Variants in SEPTIN9 observed in about 807,000 individuals in gnomAD.
The protein encoded by SEPTIN9 is septin-9.
Under a neutral mutation model 56.6 loss-of-function variants are expected in SEPTIN9, and 13 were observed. That is an observed-to-expected ratio of 0.23 (90% confidence interval 0.15 to 0.37). The LOEUF is 0.37. Among genes scored for constraint, SEPTIN9 ranks in the 10% least tolerant of loss-of-function variants. The pLI is 1.00. For missense variants in SEPTIN9, 650 were observed against 823.1 expected (o/e 0.79, Z 2.57); for synonymous variants, 332 against 334.1 (o/e 0.99, Z 0.07).
intron 4 of SEPTIN9, among the ~76,000 whole-genome samples, chr17:77,486,294 G>A (rs1158222757): frequency 1.3e-5 from 2 of 151,692 alleles, no homozygotes; most frequent in African/African-American, 4.9e-5. Flanking sequence ...TGTAGAGACA[G>A]GGTCTCTCTG....
chr17:77,428,114 G>C (rs908782408), intron 3 of SEPTIN9, among the ~76,000 whole-genome samples: 8 of 152,190 alleles, frequency 5.3e-5, no homozygotes, highest in African/African-American at 1.9e-4. Flanking sequence ...AGGCTGAGTC[G>C]CTGGCCCATA....
chr17:77,383,869 T>G (rs1338080573), intron 2 of SEPTIN9, among the ~76,000 whole-genome samples: 1 of 152,252 alleles, frequency 6.6e-6, no homozygotes, highest in Non-Finnish European at 1.5e-5. Context: ...GTCATCAGCC[T>G]CTCAGTGCCT....
In SEPTIN9 at chr17:77,389,099, G is replaced by A. The variant is rs925956019; in HGVS notation, c.77-12960G>A. Among the ~76,000 whole-genome samples, 7 of 152,096 alleles carry A rather than the reference G, an allele frequency of 4.6e-5. No homozygotes were observed. The South Asian group carries it at 8.3e-4, about 18-fold the overall frequency. ...TCTCCAGGTCCGGGTCCTGGTCCCC[G>A]GCAGAGCTTCCCATCCATGGGAAGA... On this transcript the variant is annotated intron_variant, in intron 2 of 11. Transcript: ENST00000427177. The surrounding 1 kb of genome is among the most constrained non-coding windows in gnomAD (Gnocchi z 4.3).
intron 1 of SEPTIN9, chr17:77,288,118 TC>T: frequency 9.4e-7 from 1 of 1,063,648 alleles, no homozygotes; most frequent in Non-Finnish European, 1.1e-6. Context: ...TCTCGCTGAC[TC>T]CTACCCCACC....
intron 3 of SEPTIN9, among the ~76,000 whole-genome samples, chr17:77,416,100 G>A (rs2036497377): frequency 1.3e-5 from 2 of 152,262 alleles, no homozygotes; most frequent in African/African-American, 4.8e-5. Flanking sequence ...CCCTGTCAGA[G>A]TTTGTTCAGC....
intron 2 of SEPTIN9, among the ~76,000 whole-genome samples, chr17:77,356,594 G>A (rs1174537461): frequency 6.8e-6 from 1 of 147,852 alleles, no homozygotes; most frequent in Non-Finnish European, 1.5e-5. Flanking sequence ...CCCCCATGAA[G>A]GGGGCTGCTC....
At chr17:77,410,765 A>T (rs1403975941) in intron 3 of SEPTIN9, among the ~76,000 whole-genome samples, 1 of 152,228 alleles carries the variant, frequency 6.6e-6, no homozygotes, top group Non-Finnish European at 1.5e-5. Flanking sequence ...ATCAGCAAGC[A>T]GGCCTTGTCT....
chr17:77,358,110 G>C (rs894728277), intron 2 of SEPTIN9, among the ~76,000 whole-genome samples: 1 of 152,202 alleles, frequency 6.6e-6, no homozygotes, highest in Non-Finnish European at 1.5e-5. Context: ...GAAGCTCAGA[G>C]AGGTGGTGTA....
In SEPTIN9 at chr17:77,318,679, AC is replaced by A. The variant is rs2070544209; in HGVS notation, c.76+11488del. On this transcript the variant is annotated intron_variant, in intron 2 of 11. Transcript: ENST00000427177. This position sits in a 1 kb window ranked among gnomAD's most constrained non-coding sequence, Gnocchi z 4.9. ...CAGAAGGCTGGGAATGGTCCTCCCC[AC>A]CCCCCAGGAAGATGTCCTTTCTGCC... Among the ~76,000 whole-genome samples the A allele has an allele frequency of 1.3e-5, 2 of 151,268 alleles. No homozygotes were observed. The highest frequency in any genetic ancestry group is 1.3e-4 in the Admixed American group (2 of 15,178).
intron 3 of SEPTIN9, among the ~76,000 whole-genome samples, chr17:77,424,171 C>G (rs2036813421): frequency 1.3e-5 from 2 of 151,350 alleles, no homozygotes; most frequent in Non-Finnish European, 2.9e-5. Context: ...TGGGATGTAT[C>G]TGCACTATCG....
At chr17:77,458,358 C>T (rs2038308401) in intron 3 of SEPTIN9, among the ~76,000 whole-genome samples, 1 of 152,190 alleles carries the variant, frequency 6.6e-6, no homozygotes, top group African/African-American at 2.4e-5. Flanking sequence ...TGCCTTGTTC[C>T]AGCCCCGGCA....
chr17:77,282,884 T>C (rs879879489), intron 1 of SEPTIN9, among the ~76,000 whole-genome samples: 2 of 152,216 alleles, frequency 1.3e-5, no homozygotes, highest in Non-Finnish European at 2.9e-5. Flanking sequence ...CATGGCCCTT[T>C]CCAGGGGATC....
chr17:77,373,694 C>G (rs2034806383), intron 2 of SEPTIN9: 19 of 1,363,084 alleles, frequency 1.4e-5, no homozygotes, highest in Non-Finnish European at 1.7e-5. Flanking sequence ...CGCCCTCCCG[C>G]TGAGAGCGCC....
chr17:77,368,149 G>A (rs899229254), intron 2 of SEPTIN9, among the ~76,000 whole-genome samples: 2 of 152,204 alleles, frequency 1.3e-5, no homozygotes, highest in Non-Finnish European at 1.5e-5. Context: ...AGCAGCTAGG[G>A]GAAGGAAGGA....
At position 77,317,300 on chromosome 17, in the gene SEPTIN9, G is replaced by T. The variant is rs567454770; in HGVS notation, c.76+10103G>T. Among the ~76,000 whole-genome samples, 1 of 152,314 alleles carries T rather than the reference G, an allele frequency of 6.6e-6. No individual in the cohort carries two copies. Among genetic ancestry groups the T allele is most frequent in the African/African-American group, 2.4e-5 (1 of 41,566 alleles). On this transcript the variant is annotated intron_variant, in intron 2 of 11. Coordinates refer to ENST00000427177, the MANE Select transcript of SEPTIN9 (RefSeq NM_001113491.2). The surrounding 1 kb of genome is among the most constrained non-coding windows in gnomAD (Gnocchi z 4.2). ...GCCCTCTGGAGGCTCTAGGGCAGGGGTTCCCAGCCCCGTGTGTCCTATTAG... is the reference window on the plus strand; with the variant it reads ...GCCCTCTGGAGGCTCTAGGGCAGGGTTTCCCAGCCCCGTGTGTCCTATTAG...
Position 77,499,205 on chromosome 17 carries a change from T to C in SEPTIN9, c.*547T>C. On this transcript the variant is annotated 3_prime_UTR_variant, in exon 12 of 12. Transcript: ENST00000427177. Reference sequence around the variant, plus strand: ...CCTACCCCTGCCCTGCTCCTAAGGGTAGAAAACTCCAGGGTCCCCTGCCAC... The same window carrying C: ...CCTACCCCTGCCCTGCTCCTAAGGGCAGAAAACTCCAGGGTCCCCTGCCAC... 3.6e-6 allele frequency: 2 copies of C among 556,982 alleles called. No individual in the cohort carries two copies. Among genetic ancestry groups the C allele is most frequent in the Non-Finnish European group, 6.9e-6 (2 of 288,388 alleles). The allele number at this position is 556,982 out of a possible 1,614,324, so 34.5% of individuals were successfully genotyped here.
chr17:77,460,272 C>A (rs1441371649), intron 3 of SEPTIN9, among the ~76,000 whole-genome samples: 1 of 152,024 alleles, frequency 6.6e-6, no homozygotes, highest in Non-Finnish European at 1.5e-5. Flanking sequence ...GGAGGCTGGT[C>A]CCCCGAGGGG....
At chr17:77,441,888 C>T (rs999884537) in intron 3 of SEPTIN9, among the ~76,000 whole-genome samples, 9 of 152,082 alleles carry the variant, frequency 5.9e-5, no homozygotes, top group Non-Finnish European at 1.2e-4. Flanking sequence ...TCCAAATTGC[C>T]GGCTGTGGGT....
chr17:77,486,521 T>TGTGCGC (rs757455924), intron 4 of SEPTIN9, among the ~76,000 whole-genome samples: 15 of 120,202 alleles, frequency 1.2e-4, no homozygotes, highest in East Asian at 7.6e-4. Context: ...TGTGTGTGTG[T>TGTGCGC]GCGCGCACGC....
Sources: gnomAD v4.1 joint callset for allele counts (sites outside exome capture counted in the v4.1 genomes callset) on GRCh38, gnomAD v4.1.1 for gene constraint, Gnocchi (gnomAD v3.1) non-coding constraint, MANE v1.5 for transcripts, NCBI Gene and HGNC (gene_info 2026-07-23, HGNC 2026-07-21) for gene names.